PPP1R1C: variants seen among roughly 807,000 people sequenced by gnomAD.
The protein encoded by PPP1R1C is protein phosphatase 1 regulatory subunit 1C.
A neutral mutation model predicts 17.4 loss-of-function variants in PPP1R1C; 15 were observed. The ratio of observed to expected loss-of-function variants is 0.86; its 90% confidence interval spans 0.58 to 1.33. The LOEUF (loss-of-function observed/expected upper bound fraction) is 1.33, where lower values mean the gene tolerates loss of function less well. Ranked by LOEUF, PPP1R1C falls within the 40% of genes most tolerant of loss-of-function variation. The pLI is 0.00. For synonymous variants in PPP1R1C, 35 were observed against 43.1 expected, an observed-to-expected ratio of 0.81 and a Z score of 0.73; for missense variants, 143 against 130.0, an observed-to-expected ratio of 1.10 and a Z score of -0.48.
chr2:181,955,542 G>A (rs1684656224), intron 1 of PPP1R1C, among the ~76,000 whole-genome samples: 1 of 152,156 alleles, frequency 6.6e-6, no homozygotes, highest in African/African-American at 2.4e-5. Flanking sequence ...CAGTCTGTGA[G>A]GCTTTCTATT....
intron 4 of PPP1R1C, among the ~76,000 whole-genome samples, chr2:182,066,897 G>A (rs562347038): frequency 1.3e-5 from 2 of 151,914 alleles, no homozygotes; most frequent in South Asian, 4.2e-4. Context: ...AAGTGGATTT[G>A]GATGTTAGGA....
At chr2:182,022,669 A>G (rs1234232863) in intron 2 of PPP1R1C, among the ~76,000 whole-genome samples, 1 of 152,224 alleles carries the variant, frequency 6.6e-6, no homozygotes, top group East Asian at 1.9e-4. Context: ...AAAACCCTGA[A>G]GAGTAGTAAC....
chr2:182,065,078 G>T (rs1687949477), intron 4 of PPP1R1C, among the ~76,000 whole-genome samples: 1 of 152,070 alleles, frequency 6.6e-6, no homozygotes, highest in Non-Finnish European at 1.5e-5. Flanking sequence ...AATATCAAAA[G>T]AATGTGGGAT....
At position 181,972,739 on chromosome 2, in the gene PPP1R1C, C is replaced by T. The variant is rs2368226; in HGVS notation, n.112-2480C>T. 8.3e-3 allele frequency among the ~76,000 whole-genome samples: 1,260 copies of T among 152,152 alleles called. 33 individuals carry two copies. The highest frequency in any genetic ancestry group is 0.054 in the Admixed American group (826 of 15,276). On this transcript the variant is annotated intron_variant and non_coding_transcript_variant, in intron 1 of 5. Coordinates refer to the PPP1R1C transcript ENST00000464264. ...ATTATGGGGTACATGGCCTGAGGTG[C>T]GCCTAGAAAATAAAGTTTTAATTTC...
In PPP1R1C at chr2:181,961,022, T is replaced by C. The variant is rs182942747; in HGVS notation, n.111+6388T>C. On this transcript the variant is annotated intron_variant and non_coding_transcript_variant, in intron 1 of 5. Coordinates refer to the PPP1R1C transcript ENST00000464264. The surrounding 1 kb of genome is among the most constrained non-coding windows in gnomAD (Gnocchi z 5.8). ...TGATTCTTGGAAGGTAAAGGGCAGA[T>C]AAAATCACTTTGCTGGAGAAATCAG... Among the ~76,000 whole-genome samples the C allele has an allele frequency of 2.6e-5, 4 of 152,272 alleles. No individual in the cohort carries two copies. Among genetic ancestry groups the C allele is most frequent in the Admixed American group, 2.0e-4 (3 of 15,288 alleles).
intron 2 of PPP1R1C, among the ~76,000 whole-genome samples, chr2:182,045,310 A>T (rs1687310271): frequency 6.6e-6 from 1 of 152,212 alleles, no homozygotes; most frequent in African/African-American, 2.4e-5. Flanking sequence ...TAGGATGAAA[A>T]GTGAATGTTT....
intron 2 of PPP1R1C, among the ~76,000 whole-genome samples, chr2:182,054,472 T>C (rs1687621849): frequency 6.6e-6 from 1 of 152,208 alleles, no homozygotes; most frequent in Admixed American, 6.5e-5. Flanking sequence ...TCTTGATCCC[T>C]GGCAACTACT....
chr2:182,110,433 T>C (rs941271775), intron 4 of PPP1R1C, among the ~76,000 whole-genome samples: 1 of 152,190 alleles, frequency 6.6e-6, no homozygotes, highest in Non-Finnish European at 1.5e-5. Context: ...TCTCCTTGTA[T>C]GCTAGCTCTG....
chr2:182,023,615 T>C (rs1686499682), intron 2 of PPP1R1C, among the ~76,000 whole-genome samples: 1 of 152,042 alleles, frequency 6.6e-6, no homozygotes, highest in South Asian at 2.1e-4. Context: ...AAAATATTAT[T>C]ATTAAATTAT....
intron 2 of PPP1R1C, among the ~76,000 whole-genome samples, chr2:182,007,244 G>A (rs952993395): frequency 6.6e-6 from 1 of 151,968 alleles, no homozygotes; most frequent in East Asian, 1.9e-4. Context: ...ATACACACAG[G>A]TCTATCTACG....
At chr2:182,105,224 G>C (rs149610340) in intron 4 of PPP1R1C, among the ~76,000 whole-genome samples, 3 of 152,284 alleles carry the variant, frequency 2.0e-5, no homozygotes, top group Admixed American at 2.0e-4. Context: ...TTTGAGGAAG[G>C]TGTGGGAATG....
intron 4 of PPP1R1C, among the ~76,000 whole-genome samples, chr2:182,082,329 A>G (rs867429106): frequency 6.6e-6 from 1 of 152,348 alleles, no homozygotes. Flanking sequence ...TCAGGACTCA[A>G]AGTTCTCAAA....
chr2:182,072,823 A>G (rs1688178564), intron 4 of PPP1R1C, among the ~76,000 whole-genome samples: 1 of 152,204 alleles, frequency 6.6e-6, no homozygotes, highest in Non-Finnish European at 1.5e-5. Flanking sequence ...TTGTACTCAA[A>G]CCAAGCTTGC....
At chr2:182,091,882 A>T (rs1337366778) in intron 4 of PPP1R1C, among the ~76,000 whole-genome samples, 1 of 151,980 alleles carries the variant, frequency 6.6e-6, no homozygotes, top group Non-Finnish European at 1.5e-5. Context: ...GATGCACCTG[A>T]CTTCCCAGGG....
At chr2:182,060,489 C>T (rs1687818803) in intron 2 of PPP1R1C, among the ~76,000 whole-genome samples, 1 of 152,026 alleles carries the variant, frequency 6.6e-6, no homozygotes, top group Non-Finnish European at 1.5e-5. Context: ...TATTCAATCA[C>T]CCCAGGATAA....
intron 4 of PPP1R1C, among the ~76,000 whole-genome samples, chr2:182,086,701 G>A (rs1366826258): frequency 6.6e-6 from 1 of 151,946 alleles, no homozygotes; most frequent in Non-Finnish European, 1.5e-5. Context: ...ACCAAGATAG[G>A]AACTTAAGAA....
intron 4 of PPP1R1C, among the ~76,000 whole-genome samples, chr2:182,097,425 T>G (rs1398626661): frequency 6.6e-6 from 1 of 152,188 alleles, no homozygotes; most frequent in Non-Finnish European, 1.5e-5. Context: ...CGCTTCTGTA[T>G]AGTACAAATG....
intron 4 of PPP1R1C, among the ~76,000 whole-genome samples, chr2:182,095,018 C>T (rs920788325): frequency 7.2e-5 from 11 of 152,224 alleles, no homozygotes; most frequent in African/African-American, 2.4e-4. Flanking sequence ...TGGCCAGGAG[C>T]GGTTGCTCAT....
chr2:182,078,242 G>A lies in PPP1R1C; in HGVS notation c.241+14451G>A, dbSNP rs115468249. ...AAACTAAGGGAATAAGCAACAGAAAGTCTTCTTATTTTTATGATTATTAAA... is the reference window on the plus strand; with the variant it reads ...AAACTAAGGGAATAAGCAACAGAAAATCTTCTTATTTTTATGATTATTAAA... On this transcript the variant is annotated intron_variant, in intron 4 of 4. Transcript: ENST00000682840. Among the ~76,000 whole-genome samples, 891 of 152,242 alleles carry A rather than the reference G, an allele frequency of 5.9e-3. 4 individuals are homozygous for A. The highest frequency in any genetic ancestry group is 0.02 in the African/African-American group (848 of 41,542).
Sources: allele counts gnomAD v4.1 joint callset (sites outside exome capture counted in the v4.1 genomes callset), GRCh38; gene constraint gnomAD v4.1.1; non-coding constraint Gnocchi (gnomAD v3.1); transcripts MANE v1.5; gene names NCBI Gene and HGNC (gene_info 2026-07-23, HGNC 2026-07-21).